PARVB: variants seen among roughly 807,000 people sequenced by gnomAD.
The protein encoded by PARVB is parvin beta.
PARVB carries 46 observed loss-of-function variants against 47.0 expected under a neutral mutation model. The ratio of observed to expected loss-of-function variants is 0.98; its 90% confidence interval spans 0.77 to 1.25. The LOEUF (loss-of-function observed/expected upper bound fraction) is 1.25. Among genes scored for constraint, PARVB ranks in the 50% most tolerant of loss-of-function variants. The probability of loss-of-function intolerance (pLI) is 0.00; values close to 1 mark genes in which losing one functional copy is unlikely to be tolerated. For synonymous variants in PARVB, 196 were observed against 196.3 expected, an observed-to-expected ratio of 1.00 and a Z score of 0.01; for missense variants, 473 against 471.6, an observed-to-expected ratio of 1.00 and a Z score of -0.03.
At chr22:44,090,406 A>G (rs16991437) in intron 1 of PARVB, among the ~76,000 whole-genome samples, 17,546 of 152,234 alleles carry the variant, frequency 0.12, 1,263 homozygotes, top group African/African-American at 0.2. Flanking sequence ...GTTCGTGAGC[A>G]CGTTTCTCAT....
chr22:44,168,777 G>A lies in PARVB; in HGVS notation c.*99G>A. ...AGGGAGCCAGGCGCCATGGGCTTCT[G>A]GTCCAAGCTGTGTTGACTGTCATCC... On this transcript the variant is annotated 3_prime_UTR_variant, in exon 13 of 13. Transcript: ENST00000338758. 2 of 797,560 alleles carry A rather than the reference G, an allele frequency of 2.5e-6. No homozygotes were observed. The highest frequency in any genetic ancestry group is 4.3e-6 in the Non-Finnish European group (2 of 461,060). 49.4% of individuals were successfully genotyped at this position (797,560 alleles called of 1,614,324 possible).
At chr22:44,061,357 G>A (rs1009502367) in intron 1 of PARVB, among the ~76,000 whole-genome samples, 1 of 145,836 alleles carries the variant, frequency 6.9e-6, no homozygotes, top group Non-Finnish European at 1.5e-5. Flanking sequence ...CTTGAACCCA[G>A]GAGGCAGAGG....
At chr22:44,009,246 G>T (rs2050497684) in intron 2 of PARVB, among the ~76,000 whole-genome samples, 1 of 152,156 alleles carries the variant, frequency 6.6e-6, no homozygotes. Context: ...AGCTACAGTA[G>T]GTATGCTATG....
At chr22:44,137,016 G>A (rs1376187578) in intron 7 of PARVB, among the ~76,000 whole-genome samples, 1 of 152,234 alleles carries the variant, frequency 6.6e-6, no homozygotes, top group East Asian at 1.9e-4. Flanking sequence ...AAATCAAACA[G>A]TATCTGTGGT....
chr22:44,118,102 AC>A (rs2052952935), intron 3 of PARVB, among the ~76,000 whole-genome samples: 1 of 152,196 alleles, frequency 6.6e-6, no homozygotes, highest in African/African-American at 2.4e-5. Flanking sequence ...AGAGACTTGT[AC>A]CTGAATGTTC....
chr22:44,004,615 G>A (rs752266776), intron 2 of PARVB, among the ~76,000 whole-genome samples: 8 of 152,190 alleles, frequency 5.3e-5, no homozygotes, highest in Non-Finnish European at 1.0e-4. Flanking sequence ...ATGTAATGCT[G>A]TCTTTGTTTC....
At chr22:44,154,642 GTATT>G (rs2053883244) in intron 10 of PARVB, among the ~76,000 whole-genome samples, 1 of 145,984 alleles carries the variant, frequency 6.9e-6, no homozygotes, top group Non-Finnish European at 1.5e-5. Context: ...GTGTGTGTGT[GTATT>G]TGTGGTTTAC....
In PARVB at chr22:44,055,993, C is replaced by T. The variant is rs1019682193; in HGVS notation, c.112+31542C>T. The stretch of plus-strand genomic sequence containing the variant: ...GCCCAGAATAATGGTTAGCCAAGCA[C>T]CAGGCCGCTCCCCACCCAGTCCAGG... On this transcript the variant is annotated intron_variant, in intron 1 of 12. Coordinates refer to ENST00000338758, the MANE Select transcript of PARVB (RefSeq NM_013327.5). 4.6e-5 allele frequency among the ~76,000 whole-genome samples: 7 copies of T among 152,220 alleles called. No homozygotes were observed. In the East Asian group the frequency reaches 1.2e-3, roughly 25 times the overall value.
At chr22:44,087,455 G>A (rs1019010336) in intron 1 of PARVB, among the ~76,000 whole-genome samples, 1 of 152,194 alleles carries the variant, frequency 6.6e-6, no homozygotes, top group African/African-American at 2.4e-5. Flanking sequence ...AGGCTCTTGG[G>A]CCCGTGATTG....
chr22:44,029,426 A>C (rs542269454), intron 1 of PARVB, among the ~76,000 whole-genome samples: 1 of 152,286 alleles, frequency 6.6e-6, no homozygotes, highest in South Asian at 2.1e-4. Context: ...TGATCCTGAT[A>C]TCTCCTAAGC....
At chr22:44,131,696 A>G in intron 5 of PARVB, 69 bp downstream of exon 5, 1 of 1,488,544 alleles carries the variant, frequency 6.7e-7, no homozygotes, top group Non-Finnish European at 9.0e-7. Context: ...CGTCATCCAC[A>G]TTTGTCATCC....
At chr22:44,027,149 C>A (rs1435849681) in intron 1 of PARVB, among the ~76,000 whole-genome samples, 1 of 152,026 alleles carries the variant, frequency 6.6e-6, no homozygotes, top group Non-Finnish European at 1.5e-5. Context: ...CCGGAAACCC[C>A]CAGGGCTCCC....
chr22:44,082,517 T>TCAAAAA (rs996201001), intron 1 of PARVB, among the ~76,000 whole-genome samples: 6 of 151,904 alleles, frequency 3.9e-5, no homozygotes, highest in East Asian at 1.9e-4. Context: ...AGAGTCCGTC[T>TCAAAAA]CAAAAACAAA....
In PARVB at chr22:44,070,756, G is replaced by A. The variant is rs553095667; in HGVS notation, c.113-23172G>A. On this transcript the variant is annotated intron_variant, in intron 1 of 12. Coordinates refer to ENST00000338758, the MANE Select transcript of PARVB (RefSeq NM_013327.5). ...GTGCTTTTCCTGCACAGTGCTGGGCGGGATGGGGTGGATGGGGCTTGGCGG... is the reference window on the plus strand; with the variant it reads ...GTGCTTTTCCTGCACAGTGCTGGGCAGGATGGGGTGGATGGGGCTTGGCGG... Among the ~76,000 whole-genome samples, 29 of 152,320 alleles carry A rather than the reference G, an allele frequency of 1.9e-4. No individual in the cohort carries two copies. The East Asian group carries it at 2.3e-3, about 12-fold the overall frequency.
At chr22:44,124,896 GGA>G (rs1428476416) in intron 4 of PARVB, among the ~76,000 whole-genome samples, 2 of 152,116 alleles carry the variant, frequency 1.3e-5, no homozygotes, top group Non-Finnish European at 1.5e-5. Flanking sequence ...GTGCTGTTTA[GGA>G]GAGAGAGAGA....
At chr22:44,056,991 G>GCGTT in intron 1 of PARVB, among the ~76,000 whole-genome samples, 1 of 80,688 alleles carries the variant, frequency 1.2e-5, no homozygotes, top group Non-Finnish European at 2.6e-5. Context: ...TGAGCTGGGG[G>GCGTT]TGGAGCTGGG....
chr22:44,049,986 G>C lies in PARVB; in HGVS notation c.112+25535G>C, dbSNP rs995752367. ...TTCCATATTGTGGGCATGTGGCTGC[G>C]GAAATGTGCCTGCACCTGGACTCGC... On this transcript the variant is annotated intron_variant, in intron 1 of 12. Transcript: ENST00000338758. This position sits in a 1 kb window ranked among gnomAD's most constrained non-coding sequence, Gnocchi z 4.0. Among the ~76,000 whole-genome samples, 1 of 152,208 alleles carries C rather than the reference G, an allele frequency of 6.6e-6. No individual in the cohort carries two copies. Among genetic ancestry groups the C allele is most frequent in the African/African-American group, 2.4e-5 (1 of 41,454 alleles).
rs913937368 is a variant in PARVB, at chr22:44,068,959, C to G, written c.113-24969C>G. ...TGGTCTGTGGTCAGCAAGGAGCTAT[C>G]GCTGGAAACACCCCGGTCCTTCCAC... On this transcript the variant is annotated intron_variant, in intron 1 of 12. Transcript: ENST00000338758. The surrounding 1 kb of genome is among the most constrained non-coding windows in gnomAD (Gnocchi z 4.1). The G allele has an allele frequency of 8.2e-6, 5 of 608,262 alleles. No homozygotes were observed. The South Asian group carries it at 1.0e-4, about 13-fold the overall frequency. The allele number at this position is 608,262 out of a possible 1,614,324, so 37.7% of individuals were successfully genotyped here.
intron 2 of PARVB, among the ~76,000 whole-genome samples, chr22:44,099,819 T>A (rs1386631286): frequency 6.6e-6 from 1 of 152,158 alleles, no homozygotes; most frequent in African/African-American, 2.4e-5. Flanking sequence ...TGGCGGAGTC[T>A]GGGAGGAGCG....
Sources: gnomAD v4.1 joint callset for allele counts (sites outside exome capture counted in the v4.1 genomes callset) on GRCh38, gnomAD v4.1.1 for gene constraint, Gnocchi (gnomAD v3.1) non-coding constraint, MANE v1.5 for transcripts, NCBI Gene and HGNC (gene_info 2026-07-23, HGNC 2026-07-21) for gene names.